SEL1L2: variants seen among roughly 807,000 people sequenced by gnomAD.
The protein encoded by SEL1L2 is SEL1L2 adaptor subunit of SYVN1 ubiquitin ligase, also known as protein sel-1 homolog 2.
Under a neutral mutation model 98.8 loss-of-function variants are expected in SEL1L2, and 89 were observed. That is an observed-to-expected ratio of 0.90 (90% CI 0.76 to 1.07). The LOEUF (loss-of-function observed/expected upper bound fraction) is 1.07, where lower values mean the gene tolerates loss of function less well. Among genes scored for constraint, SEL1L2 ranks in the 50% least tolerant of loss-of-function variants. The pLI is 0.00. For missense variants in SEL1L2, 788 were observed against 812.0 expected (o/e 0.97, Z 0.36); for synonymous variants, 262 against 278.5 (o/e 0.94, Z 0.59).
chr20:13,924,306 C>T (rs1166217800), intron 3 of SEL1L2, among the ~76,000 whole-genome samples: 1 of 151,104 alleles, frequency 6.6e-6, no homozygotes, highest in Non-Finnish European at 1.5e-5. Context: ...TTCTGGGCTG[C>T]ATTCAGGACA....
chr20:13,967,151 G>T (rs1230830605), intron 1 of SEL1L2, among the ~76,000 whole-genome samples: 1 of 152,124 alleles, frequency 6.6e-6, no homozygotes, highest in Non-Finnish European at 1.5e-5. Flanking sequence ...AAAGTGCTGG[G>T]ATTACAGGAG....
intron 2 of SEL1L2, among the ~76,000 whole-genome samples, chr20:13,954,669 T>A (rs1193842332): frequency 6.6e-6 from 1 of 152,174 alleles, no homozygotes; most frequent in Non-Finnish European, 1.5e-5. Context: ...GGAGGTCTCA[T>A]CTTCTAATGC....
intron 15 of SEL1L2, 145 bp downstream of exon 15, chr20:13,866,557 T>C (rs1323861181): frequency 8.9e-6 from 6 of 670,886 alleles, no homozygotes; most frequent in African/African-American, 1.9e-5. Context: ...TTTTCCCCTC[T>C]GACAAATGTC....
At chr20:13,948,133 C>T (rs2050101223) in intron 2 of SEL1L2, among the ~76,000 whole-genome samples, 1 of 152,240 alleles carries the variant, frequency 6.6e-6, no homozygotes, top group African/African-American at 2.4e-5. Context: ...GACAGAAACA[C>T]ACCTTGTGTT....
At chr20:13,903,666 AGGC>A (rs2047785916) in intron 5 of SEL1L2, among the ~76,000 whole-genome samples, 3 of 152,080 alleles carry the variant, frequency 2.0e-5, no homozygotes, top group Admixed American at 2.0e-4. Flanking sequence ...TACAAAAATT[AGGC>A]AGGCATGGTG....
At chr20:13,854,137 T>A (rs138395537) in intron 18 of SEL1L2, among the ~76,000 whole-genome samples, 1,561 of 152,312 alleles carry the variant, frequency 0.01, 18 homozygotes, top group African/African-American at 0.036. Flanking sequence ...CAATGAGAAA[T>A]AAAAATGCAT....
At chr20:13,891,771 C>G (rs749036602) in intron 5 of SEL1L2, among the ~76,000 whole-genome samples, 2 of 150,740 alleles carry the variant, frequency 1.3e-5, no homozygotes, top group African/African-American at 4.9e-5. Context: ...CCTTCCCAGA[C>G]AAACAAACGC....
intron 2 of SEL1L2, among the ~76,000 whole-genome samples, chr20:13,948,357 C>T (rs906677082): frequency 2.0e-5 from 3 of 151,920 alleles, no homozygotes; most frequent in Non-Finnish European, 4.4e-5. Flanking sequence ...TTCTCAATAT[C>T]AACACCTATT....
intron 1 of SEL1L2, among the ~76,000 whole-genome samples, chr20:13,960,709 C>T (rs1247561376): frequency 6.6e-6 from 1 of 152,090 alleles, no homozygotes. Context: ...AGATCTGCAC[C>T]ACTGTTTTAT....
chr20:13,987,320 T>TG (rs1399000808), intron 1 of SEL1L2, among the ~76,000 whole-genome samples: 8 of 144,470 alleles, frequency 5.5e-5, no homozygotes, highest in Admixed American at 5.0e-4. Context: ...TGTTTTTTTT[T>TG]TTTTTTTTTT....
intron 5 of SEL1L2, among the ~76,000 whole-genome samples, chr20:13,908,883 TC>T (rs2048095292): frequency 6.6e-6 from 1 of 152,184 alleles, no homozygotes; most frequent in South Asian, 2.1e-4. Context: ...CCATCCAGCT[TC>T]CCTTTGTACA....
chr20:13,876,012 T>C (rs777067601), intron 12 of SEL1L2, 26 bp downstream of exon 12: 2 of 1,571,726 alleles, frequency 1.3e-6, no homozygotes, highest in South Asian at 1.1e-5. Context: ...TGTGTATGTG[T>C]TTACAACAGT....
At chr20:13,878,366 C>T (rs1456063356) in intron 10 of SEL1L2, among the ~76,000 whole-genome samples, 14 of 150,896 alleles carry the variant, frequency 9.3e-5, no homozygotes, top group East Asian at 3.9e-4. Flanking sequence ...TGCAGTGGCA[C>T]GATCTCGGCT....
intron 1 of SEL1L2, among the ~76,000 whole-genome samples, chr20:13,970,025 CTT>C (rs11380130): frequency 1.1e-4 from 16 of 141,304 alleles, no homozygotes; most frequent in East Asian, 4.1e-4. Context: ...GCTCCATCCT[CTT>C]TTTTTTTTTT....
chr20:13,935,886 A>G (rs558018981), intron 2 of SEL1L2, among the ~76,000 whole-genome samples: 122 of 152,280 alleles, frequency 8.0e-4, no homozygotes, highest in Admixed American at 1.7e-3. Context: ...AGAAGATGGT[A>G]GAGGGGGAAA....
At chr20:13,890,979 G>A (rs1393779223) in intron 5 of SEL1L2, among the ~76,000 whole-genome samples, 5 of 151,990 alleles carry the variant, frequency 3.3e-5, no homozygotes, top group Non-Finnish European at 5.9e-5. Context: ...AAAGAAAAAG[G>A]AATGAAGAAA....
At chr20:13,896,483 A>G (rs1000975876) in intron 5 of SEL1L2, among the ~76,000 whole-genome samples, 3 of 151,980 alleles carry the variant, frequency 2.0e-5, no homozygotes, top group African/African-American at 7.3e-5. Context: ...ACAAAAACAA[A>G]AACAAACAAA....
intron 1 of SEL1L2, among the ~76,000 whole-genome samples, chr20:13,965,896 T>G (rs1160111053): frequency 6.8e-6 from 1 of 146,148 alleles, no homozygotes; most frequent in Non-Finnish European, 1.5e-5. Flanking sequence ...GAGGTTACAG[T>G]GAGCCGAAGT....
chr20:13,956,235 C>T (rs972652646), intron 1 of SEL1L2, 104 bp from the exon 2 acceptor site: 5 of 606,402 alleles, frequency 8.2e-6, no homozygotes, highest in Non-Finnish European at 1.4e-5. Flanking sequence ...ACTTTTAGAA[C>T]TCTAAGAATA....
Sources: allele counts gnomAD v4.1 joint callset (sites outside exome capture counted in the v4.1 genomes callset), GRCh38; gene constraint gnomAD v4.1.1; transcripts MANE v1.5; gene names NCBI Gene and HGNC (gene_info 2026-07-23, HGNC 2026-07-21).